CDH12: variants seen among roughly 807,000 people sequenced by gnomAD.
CDH12 encodes the protein cadherin 12.
In CDH12, 41 loss-of-function variants were observed where a neutral mutation model predicts 74.1. That is an observed-to-expected ratio of 0.55 (90% CI 0.43 to 0.72). The LOEUF is 0.72. Ranked by LOEUF, CDH12 falls within the 30% of genes least tolerant of loss-of-function variation. CDH12 has a pLI of 0.00. For missense variants in CDH12, 945 were observed against 977.2 expected (o/e 0.97, Z 0.44); for synonymous variants, 399 against 355.0 (o/e 1.12, Z -1.39).
intron 4 of CDH12, among the ~76,000 whole-genome samples, chr5:22,177,680 C>G (rs1749415270): frequency 6.6e-6 from 1 of 152,050 alleles, no homozygotes; most frequent in Admixed American, 6.6e-5. Context: ...AGAGCAACCT[C>G]TCTCTGTGAG....
intron 5 of CDH12, among the ~76,000 whole-genome samples, chr5:22,050,067 T>A (rs895887390): frequency 4.6e-5 from 7 of 152,180 alleles, no homozygotes; most frequent in Non-Finnish European, 1.0e-4. Flanking sequence ...CCCTCCCAAA[T>A]TTTTAAATTG....
intron 2 of CDH12, among the ~76,000 whole-genome samples, chr5:22,433,640 C>A (rs1465139901): frequency 1.3e-5 from 2 of 151,988 alleles, no homozygotes; most frequent in Non-Finnish European, 2.9e-5. Flanking sequence ...TGAATTTTCA[C>A]AAAAAAGTAT....
intron 2 of CDH12, among the ~76,000 whole-genome samples, chr5:22,431,254 T>C (rs1314395395): frequency 6.6e-6 from 1 of 152,126 alleles, no homozygotes; most frequent in Non-Finnish European, 1.5e-5. Flanking sequence ...CATACTAACA[T>C]TTTAGTCAAC....
intron 1 of CDH12, among the ~76,000 whole-genome samples, chr5:22,562,944 ATATT>A (rs1035754383): frequency 6.8e-6 from 1 of 147,870 alleles, no homozygotes; most frequent in African/African-American, 2.4e-5. Flanking sequence ...ATATTTTTAA[ATATT>A]TATATTTTAT....
chr5:22,787,905 T>C (rs1193336087), intron 1 of CDH12, among the ~76,000 whole-genome samples: 1 of 152,166 alleles, frequency 6.6e-6, no homozygotes, highest in Non-Finnish European at 1.5e-5. Context: ...AACCAGGTTT[T>C]TCTTGTCATC....
At chr5:22,409,240 C>A (rs1255873420) in intron 2 of CDH12, among the ~76,000 whole-genome samples, 1 of 151,934 alleles carries the variant, frequency 6.6e-6, no homozygotes, top group Non-Finnish European at 1.5e-5. Context: ...TTGTATTTTT[C>A]TTCTCCTTCT....
At chr5:22,632,298 A>G (rs1265865172) in intron 1 of CDH12, among the ~76,000 whole-genome samples, 1 of 152,194 alleles carries the variant, frequency 6.6e-6, no homozygotes, top group African/African-American at 2.4e-5. Flanking sequence ...TTCTTTTTAT[A>G]AGTTACCCAG....
In CDH12 at chr5:21,923,002, G is replaced by A. The variant is rs559022041; in HGVS notation, c.526+52089C>T. On this transcript the variant is annotated intron_variant, in intron 6 of 14. Coordinates refer to ENST00000382254, the MANE Select transcript of CDH12 (RefSeq NM_004061.5). The stretch of plus-strand genomic sequence containing the variant: ...TCTATATATGGAGAGAAGGAGAGAG[G>A]AGCACGCACCCACGTACACACTCTC... 8.3e-5 allele frequency among the ~76,000 whole-genome samples: 12 copies of A among 144,554 alleles called. No homozygotes were observed. The South Asian group carries it at 2.4e-3, about 29-fold the overall frequency. The allele number at this position is 144,554 out of a possible 152,430, so 94.8% of individuals were successfully genotyped here. A position where few individuals can be genotyped will look rare whatever the true frequency, so the allele number is the denominator to read the frequency against.
chr5:21,940,946 C>A (rs1971057), intron 6 of CDH12, among the ~76,000 whole-genome samples: 4 of 151,836 alleles, frequency 2.6e-5, no homozygotes, highest in Non-Finnish European at 5.9e-5. Flanking sequence ...TAACATAAAA[C>A]CCACAATTTG....
At chr5:22,410,446 A>G (rs1364451019) in intron 2 of CDH12, among the ~76,000 whole-genome samples, 1 of 152,114 alleles carries the variant, frequency 6.6e-6, no homozygotes, top group African/African-American at 2.4e-5. Context: ...GAGAGAGGCC[A>G]AGAAGAATCT....
chr5:22,754,406 A>C (rs146938257), intron 1 of CDH12, among the ~76,000 whole-genome samples: 39 of 152,306 alleles, frequency 2.6e-4, no homozygotes, highest in Non-Finnish European at 4.1e-4. Context: ...GTGAACAGGC[A>C]GATGGAAAAC....
At chr5:22,311,725 T>A (rs1364831631) in intron 3 of CDH12, among the ~76,000 whole-genome samples, 1 of 141,032 alleles carries the variant, frequency 7.1e-6, no homozygotes, top group African/African-American at 2.6e-5. Context: ...AAAAAAAAAA[T>A]TGCCTCTGGG....
At chr5:22,202,206 CAA>C in intron 4 of CDH12, among the ~76,000 whole-genome samples, 2 of 139,284 alleles carry the variant, frequency 1.4e-5, no homozygotes, top group Non-Finnish European at 3.1e-5. Flanking sequence ...TTCCTTCTTT[CAA>C]CATATAGTTA....
intron 1 of CDH12, among the ~76,000 whole-genome samples, chr5:22,769,168 C>A (rs1473803831): frequency 6.6e-6 from 1 of 152,088 alleles, no homozygotes; most frequent in South Asian, 2.1e-4. Context: ...CTGGGTATTT[C>A]TGTGATGGTG....
At chr5:22,795,682 G>A (rs1344176410) in intron 1 of CDH12, among the ~76,000 whole-genome samples, 1 of 151,492 alleles carries the variant, frequency 6.6e-6, no homozygotes, top group African/African-American at 2.4e-5. Context: ...AAGTCCAAAG[G>A]TGGAAGCATA....
intron 2 of CDH12, among the ~76,000 whole-genome samples, chr5:22,500,354 A>G: frequency 6.6e-6 from 1 of 152,284 alleles, no homozygotes; most frequent in East Asian, 1.9e-4. Context: ...GAATTTTCTC[A>G]TGACATTTAG....
intron 2 of CDH12, among the ~76,000 whole-genome samples, chr5:22,418,971 C>T (rs1376926145): frequency 1.3e-5 from 2 of 152,016 alleles, no homozygotes; most frequent in Non-Finnish European, 2.9e-5. Flanking sequence ...GAGTTTTTAG[C>T]ATGAAGGGGT....
intron 1 of CDH12, among the ~76,000 whole-genome samples, chr5:22,711,345 G>A (rs560314385): frequency 1.3e-5 from 2 of 152,056 alleles, no homozygotes; most frequent in African/African-American, 4.8e-5. Flanking sequence ...GAGTTAATAT[G>A]AAGTCACAGG....
In CDH12 at chr5:22,413,168, G is replaced by A. The variant is rs1305775293; in HGVS notation, c.-427-7817C>T. Among the ~76,000 whole-genome samples, 6 of 151,994 alleles carry A rather than the reference G, an allele frequency of 3.9e-5. No homozygotes were observed. In the East Asian group the frequency reaches 7.7e-4, roughly 20 times the overall value. On this transcript the variant is annotated intron_variant, in intron 2 of 14. Coordinates refer to ENST00000382254, the MANE Select transcript of CDH12 (RefSeq NM_004061.5). ...AGAAAAGTTTGAGGATAGAGATAGAGAGGTAGAGATACAGATTTGAGAATC... is the reference window on the plus strand; with the variant it reads ...AGAAAAGTTTGAGGATAGAGATAGAAAGGTAGAGATACAGATTTGAGAATC...
Sources: allele counts gnomAD v4.1 joint callset (sites outside exome capture counted in the v4.1 genomes callset), GRCh38; gene constraint gnomAD v4.1.1; transcripts MANE v1.5; gene names NCBI Gene and HGNC (gene_info 2026-07-23, HGNC 2026-07-21).